The following METTL15 variants were observed in gnomAD, a reference collection of about 807,000 sequenced individuals.
METTL15 encodes 12S rRNA N(4)-cytidine methyltransferase METTL15.
Under a neutral mutation model 38.3 loss-of-function variants are expected in METTL15, and 34 were observed. That is an observed-to-expected ratio of 0.89 (90% confidence interval 0.68 to 1.18). The LOEUF (loss-of-function observed/expected upper bound fraction) is 1.18. METTL15 is among the 50% of genes most tolerant of loss of function. The probability of loss-of-function intolerance (pLI) is 0.00; values close to 1 mark genes in which losing one functional copy is unlikely to be tolerated. For synonymous variants in METTL15, 162 were observed against 170.9 expected, an observed-to-expected ratio of 0.95 and a Z score of 0.41; for missense variants, 438 against 498.4, an observed-to-expected ratio of 0.88 and a Z score of 1.15.
At chr11:28,383,087 G>C (rs1007209926) in intron 5 of METTL15, among the ~76,000 whole-genome samples, 2 of 151,930 alleles carry the variant, frequency 1.3e-5, no homozygotes. Context: ...CATAGTACTC[G>C]AAAGGTAGAT....
chr11:28,208,369 C>T (rs992236412), intron 3 of METTL15, among the ~76,000 whole-genome samples: 1 of 151,944 alleles, frequency 6.6e-6, no homozygotes, highest in Non-Finnish European at 1.5e-5. Flanking sequence ...CGTTATGTAC[C>T]CCATAGTCAT....
At chr11:28,327,551 A>C (rs1849679043) in intron 6 of METTL15, 1 of 152,762 alleles carries the variant, frequency 6.5e-6, no homozygotes. Context: ...ATAAATTATC[A>C]CTTTGGGTGA....
At chr11:28,301,229 G>C (rs952211933) in intron 6 of METTL15, among the ~76,000 whole-genome samples, 7 of 151,974 alleles carry the variant, frequency 4.6e-5, no homozygotes, top group African/African-American at 1.7e-4. Flanking sequence ...TGCAGGCCTT[G>C]GATGTCCTTC....
chr11:28,354,707 A>G (rs1419400174), intron 4 of METTL15, among the ~76,000 whole-genome samples: 5 of 152,202 alleles, frequency 3.3e-5, no homozygotes, highest in Admixed American at 3.3e-4. Context: ...TCACATAGTG[A>G]CATAAAGCTT....
In METTL15 at chr11:28,493,641, C is replaced by T. The variant is rs115141975; in HGVS notation, c.*425-32837C>T. The stretch of plus-strand genomic sequence containing the variant: ...AAAACATCAATTCACTTGCTGTTCC[C>T]TCCAAATACAACTGCGTAAAACTAA... On this transcript the variant is annotated intron_variant and NMD_transcript_variant, in intron 6 of 7. Transcript: ENST00000532947. 5.7e-3 allele frequency among the ~76,000 whole-genome samples: 873 copies of T among 152,258 alleles called. 3 individuals are homozygous for T. Among genetic ancestry groups the T allele is most frequent in the African/African-American group, 0.02 (839 of 41,538 alleles).
intron 6 of METTL15, among the ~76,000 whole-genome samples, chr11:28,508,623 G>A (rs1851649260): frequency 1.3e-5 from 2 of 152,142 alleles, no homozygotes; most frequent in African/African-American, 4.8e-5. Flanking sequence ...ATCTCTAGGG[G>A]ATCTTTTTGT....
At chr11:28,432,950 C>T (rs1227139043) in intron 6 of METTL15, among the ~76,000 whole-genome samples, 4 of 147,220 alleles carry the variant, frequency 2.7e-5, no homozygotes, top group South Asian at 2.1e-4. Flanking sequence ...TTGCCTTTTG[C>T]CTCTAGATAT....
In METTL15 at chr11:28,295,600, CA is replaced by C. The variant is rs879559487; in HGVS notation, c.600-1140del. ...GGGCAACAAGAGCGAAACTTCGTCT[CA>C]AAAAAAAAAAAATAATAATCTGAAA... On this transcript the variant is annotated intron_variant, in intron 5 of 6. Coordinates refer to ENST00000407364, the MANE Select transcript of METTL15 (RefSeq NM_001113528.2). Among the ~76,000 whole-genome samples the C allele has an allele frequency of 2.2e-3, 265 of 123,142 alleles. 2 individuals carry two copies. The highest frequency in any genetic ancestry group is 8.0e-3 in the East Asian group (36 of 4,502). The allele number at this position is 123,142 out of a possible 152,430, so 80.8% of individuals were successfully genotyped here.
chr11:28,334,675 C>G (rs1849884894), downstream of METTL15, among the ~76,000 whole-genome samples: 1 of 152,098 alleles, frequency 6.6e-6, no homozygotes, highest in Non-Finnish European at 1.5e-5. Context: ...ATTATTTTCT[C>G]AAATCTTATC....
intron 6 of METTL15, among the ~76,000 whole-genome samples, chr11:28,323,998 A>G (rs1247995366): frequency 6.6e-6 from 1 of 152,188 alleles, no homozygotes; most frequent in African/African-American, 2.4e-5. Flanking sequence ...TGAAATTAGA[A>G]CTTGTTCCCA....
intron 4 of METTL15, among the ~76,000 whole-genome samples, chr11:28,242,680 G>T (rs951978704): frequency 6.6e-6 from 1 of 151,974 alleles, no homozygotes; most frequent in Non-Finnish European, 1.5e-5. Context: ...AATTTTAAAT[G>T]ATAACAACAG....
In METTL15 at chr11:28,357,853, G is replaced by A. The variant is rs141978782; in HGVS notation, c.*259-4084G>A. Among the ~76,000 whole-genome samples, 469 of 152,110 alleles carry A rather than the reference G, an allele frequency of 3.1e-3. 5 individuals carry two copies. Among genetic ancestry groups the A allele is most frequent in the East Asian group, 0.025 (128 of 5,168 alleles). ...CCAAGGCTCTGATCATTTTTTTGTA[G>A]TGATTCAAAAGAAATGAAAGAGCAA... On this transcript the variant is annotated intron_variant and NMD_transcript_variant, in intron 4 of 7. Coordinates refer to the METTL15 transcript ENST00000532947.
chr11:28,173,029 T>G (rs955355080), intron 3 of METTL15, among the ~76,000 whole-genome samples: 2 of 152,214 alleles, frequency 1.3e-5, no homozygotes, highest in Non-Finnish European at 2.9e-5. Context: ...ATAAAGAGGT[T>G]TGATAGTAAC....
downstream of METTL15, among the ~76,000 whole-genome samples, chr11:28,337,802 A>G (rs759271067): frequency 3.9e-5 from 6 of 152,154 alleles, no homozygotes; most frequent in South Asian, 2.1e-4. Flanking sequence ...TGTGTAGGCT[A>G]TATACCATTT....
At chr11:28,220,277 A>C (rs1178715281) in intron 4 of METTL15, among the ~76,000 whole-genome samples, 1 of 152,088 alleles carries the variant, frequency 6.6e-6, no homozygotes, top group Non-Finnish European at 1.5e-5. Context: ...TAGGATAGTT[A>C]GCTCTTCTTG....
At chr11:28,377,895 G>T (rs1245908058) in intron 5 of METTL15, among the ~76,000 whole-genome samples, 4 of 151,972 alleles carry the variant, frequency 2.6e-5, no homozygotes, top group African/African-American at 9.7e-5. Flanking sequence ...TCAGCTGCAG[G>T]TCTGTTGGAG....
chr11:28,352,602 C>G lies in METTL15; in HGVS notation c.*258+444C>G, dbSNP rs953862007. Among the ~76,000 whole-genome samples, 13 of 152,230 alleles carry G rather than the reference C, an allele frequency of 8.5e-5. 1 individual carries two copies. The highest frequency in any genetic ancestry group is 3.1e-4 in the African/African-American group (13 of 41,526). On this transcript the variant is annotated intron_variant and NMD_transcript_variant, in intron 4 of 7. Coordinates refer to the METTL15 transcript ENST00000532947. ...GTTATATACATTCCTCTTCCTCTTC[C>G]CATCCCTAAGTTTCACCTTATTCCT...
intron 5 of METTL15, among the ~76,000 whole-genome samples, chr11:28,415,406 A>G (rs1255970648): frequency 6.6e-6 from 1 of 152,242 alleles, no homozygotes; most frequent in Non-Finnish European, 1.5e-5. Context: ...TCCAGCTATT[A>G]TTAGCTATTT....
intron 6 of METTL15, among the ~76,000 whole-genome samples, chr11:28,504,699 C>T (rs1024685800): frequency 7.9e-5 from 12 of 152,194 alleles, no homozygotes; most frequent in Non-Finnish European, 1.8e-4. Flanking sequence ...GCAGAGCCAG[C>T]GTGGCAAAAG....
Sources: allele counts gnomAD v4.1 joint callset (sites outside exome capture counted in the v4.1 genomes callset), GRCh38; gene constraint gnomAD v4.1.1; transcripts MANE v1.5; gene names NCBI Gene and HGNC (gene_info 2026-07-23, HGNC 2026-07-21).